ACP6: variants seen among roughly 807,000 people sequenced by gnomAD.
ACP6 encodes the protein lysophosphatidic acid phosphatase type 6.
In ACP6, 48 loss-of-function variants were observed where a neutral mutation model predicts 48.1. That is an observed-to-expected ratio of 1.00 (90% CI 0.79 to 1.27). The LOEUF is 1.27. Among genes scored for constraint, ACP6 ranks in the 50% most tolerant of loss-of-function variants. ACP6 has a pLI of 0.00. For missense variants in ACP6, 485 were observed against 529.1 expected (o/e 0.92, Z 0.82); for synonymous variants, 172 against 204.2 (o/e 0.84, Z 1.34).
intron 9 of ACP6, 144 bp downstream of exon 9, chr1:147,648,102 G>A (rs1051133920): frequency 3.2e-5 from 29 of 897,722 alleles, no homozygotes; most frequent in Non-Finnish European, 4.9e-5. Context: ...CCATAGCCAG[G>A]AGTTGCCCTA....
chr1:147,662,138 G>A (rs989227127), intron 1 of ACP6, among the ~76,000 whole-genome samples: 1 of 152,162 alleles, frequency 6.6e-6, no homozygotes, highest in Admixed American at 6.5e-5. Flanking sequence ...CTGCTCAAAA[G>A]AAAAAATTGA....
rs782569565 is a variant in ACP6, at chr1:147,654,461, A to G, written c.648-135T>C. The G allele has an allele frequency of 1.1e-4, 98 of 911,634 alleles. No individual in the cohort carries two copies. In the Middle Eastern group the frequency reaches 1.2e-3, roughly 11 times the overall value. 56.5% of individuals were successfully genotyped at this position (911,634 alleles called of 1,614,324 possible). On this transcript the variant is annotated intron_variant, in intron 5 of 9. Coordinates refer to ENST00000583509, the MANE Select transcript of ACP6 (RefSeq NM_016361.5). ...AATGGGGTTAGCTGGTATTATCCCA[A>G]TTTTATAGATGAATAAACTAAGGCT...
chr1:147,663,564 A>C (rs1052411028), intron 1 of ACP6, among the ~76,000 whole-genome samples: 6 of 152,122 alleles, frequency 3.9e-5, no homozygotes, highest in Admixed American at 3.9e-4. Flanking sequence ...TAATCCTAGC[A>C]CTTTGGGAGG....
intron 1 of ACP6, among the ~76,000 whole-genome samples, chr1:147,664,688 T>C (rs1400296045): frequency 6.6e-6 from 1 of 152,202 alleles, no homozygotes; most frequent in South Asian, 2.1e-4. Context: ...CTGTGGAAGA[T>C]ACCCATCTTG....
At chr1:147,655,856 C>A (rs1490396868) in intron 4 of ACP6, among the ~76,000 whole-genome samples, 1 of 152,156 alleles carries the variant, frequency 6.6e-6, no homozygotes, top group Non-Finnish European at 1.5e-5. Flanking sequence ...GCTATTCAGA[C>A]CCCCTCAGTA....
At chr1:147,668,929 A>G (rs1553214094) in intron 1 of ACP6, among the ~76,000 whole-genome samples, 1 of 152,158 alleles carries the variant, frequency 6.6e-6, no homozygotes, top group African/African-American at 2.4e-5. Flanking sequence ...ACCTAACATC[A>G]ATTTTGGACA....
intron 7 of ACP6, 87 bp downstream of exon 7, chr1:147,652,362 T>C: frequency 7.6e-7 from 1 of 1,318,346 alleles, no homozygotes; most frequent in Middle Eastern, 2.7e-4. Flanking sequence ...AGCTGTCAGG[T>C]GTGAGTGGGC....
rs1570990491 is a variant in ACP6 at position 147,669,948 on chromosome 1, A to C, written c.101T>G (p.Leu34Arg). 6.5e-7 allele frequency: 1 copy of C among 1,550,298 alleles called. No individual in the cohort carries two copies. The highest frequency in any genetic ancestry group is 1.2e-5 in the South Asian group (1 of 84,344). Residue 34 changes from leucine (L) to arginine (R), a missense_variant, in exon 1 of 10, where the codon CTG becomes CGG. Coordinates refer to ENST00000583509, the MANE Select transcript of ACP6 (RefSeq NM_016361.5). ...LHQRRVALAE[L>R]QEADGQCPVD... ...CGGACACTGGCCATCGGCCTCCTGC[A>C]GCTCGGCCAGGGCCACCCGCCGCTG...
Position 147,647,227 on chromosome 1 carries a change from T to C in ACP6, c.*196A>G, listed in dbSNP as rs1659662640. On this transcript the variant is annotated 3_prime_UTR_variant, in exon 10 of 10. Coordinates refer to ENST00000583509, the MANE Select transcript of ACP6 (RefSeq NM_016361.5). The stretch of plus-strand genomic sequence containing the variant: ...GAAACCAACTCACAAAATAGAGAAA[T>C]ATCCTTTTGGTCTCAATATTATACC... The C allele has an allele frequency of 1.6e-6, 1 of 612,180 alleles. No homozygotes were observed. The highest frequency in any genetic ancestry group is 3.4e-5 in the Admixed American group (1 of 29,192). The allele number at this position is 612,180 out of a possible 1,614,324, so 37.9% of individuals were successfully genotyped here.
chr1:147,632,240 C>T (rs1218788175), intron 5 of ACP6, among the ~76,000 whole-genome samples: 6 of 148,156 alleles, frequency 4.0e-5, no homozygotes, highest in East Asian at 2.0e-4. Context: ...TTTTGTATCA[C>T]GACTCTGTTT....
intron 5 of ACP6, 68 bp from the exon 6 acceptor site, chr1:147,654,394 A>T: frequency 1.3e-6 from 2 of 1,564,956 alleles, no homozygotes; most frequent in Non-Finnish European, 1.7e-6. Context: ...TGTGCTTCAC[A>T]CTTGGGTTAT....
chr1:147,664,325 ATACT>A (rs782625797), intron 1 of ACP6, among the ~76,000 whole-genome samples: 1 of 152,044 alleles, frequency 6.6e-6, no homozygotes, highest in South Asian at 2.1e-4. Flanking sequence ...CCTATTCTAC[ATACT>A]TACTCACTAG....
chr1:147,652,739 T>G (rs1476518671), intron 6 of ACP6, 190 bp from the exon 7 acceptor site: 2 of 982,024 alleles, frequency 2.0e-6, no homozygotes, highest in Admixed American at 6.0e-5. Context: ...TATTACTAGA[T>G]ACCTGAAGGC....
chr1:147,655,944 A>C (rs1553211546), intron 4 of ACP6, among the ~76,000 whole-genome samples: 2 of 152,160 alleles, frequency 1.3e-5, no homozygotes, highest in East Asian at 3.9e-4. Context: ...AGAGATGGCA[A>C]GTGCCATCTC....
intron 8 of ACP6, among the ~76,000 whole-genome samples, chr1:147,649,090 G>A: frequency 6.6e-6 from 1 of 152,156 alleles, no homozygotes. Flanking sequence ...TACTGTGAAG[G>A]ACAGGAAATG....
intron 1 of ACP6, among the ~76,000 whole-genome samples, chr1:147,665,249 C>T (rs1306672270): frequency 6.6e-6 from 1 of 152,158 alleles, no homozygotes; most frequent in African/African-American, 2.4e-5. Context: ...AATGGGAAGA[C>T]TAGATGCAGA....
chr1:147,669,951 T>C lies in ACP6; in HGVS notation c.98A>G (p.Glu33Gly). Residue 33 changes from glutamate to glycine, a missense_variant, in exon 1 of 10, where the codon GAG becomes GGG. Coordinates refer to ENST00000583509, the MANE Select transcript of ACP6 (RefSeq NM_016361.5). ...ACACTGGCCATCGGCCTCCTGCAGC[T>C]CGGCCAGGGCCACCCGCCGCTGGTG... ...CLHQRRVALA[E>G]LQEADGQCPV... is the part of the protein sequence containing the mutation. 6.5e-7 allele frequency: 1 copy of C among 1,549,318 alleles called. No individual in the cohort carries two copies.
intron 1 of ACP6, among the ~76,000 whole-genome samples, chr1:147,664,343 C>T (rs1222007950): frequency 6.6e-6 from 1 of 152,204 alleles, no homozygotes; most frequent in Non-Finnish European, 1.5e-5. Flanking sequence ...TCACTAGCCA[C>T]GCAACTTCCT....
chr1:147,652,737 G>C, intron 6 of ACP6, 188 bp from the exon 7 acceptor site: 1 of 965,208 alleles, frequency 1.0e-6, no homozygotes, highest in Non-Finnish European at 1.5e-6. Context: ...GCTATTACTA[G>C]ATACCTGAAG....
Sources: gnomAD v4.1 joint callset for allele counts (sites outside exome capture counted in the v4.1 genomes callset) on GRCh38, gnomAD v4.1.1 for gene constraint, MANE v1.5 for transcripts, NCBI Gene and HGNC (gene_info 2026-07-23, HGNC 2026-07-21) for gene names.